The following EXT1 variants were observed in gnomAD, a reference collection of about 807,000 sequenced individuals.
EXT1 encodes the protein exostosin-1.
In EXT1, 20 loss-of-function variants were observed where a neutral mutation model predicts 82.5. That is an observed-to-expected ratio of 0.24 (90% CI 0.17 to 0.35). The LOEUF (loss-of-function observed/expected upper bound fraction) is 0.35. Among genes scored for constraint, EXT1 ranks in the 10% least tolerant of loss-of-function variants. EXT1 has a pLI of 1.00. For missense variants in EXT1, 757 were observed against 936.5 expected (o/e 0.81, Z 2.50); for synonymous variants, 348 against 350.8 (o/e 0.99, Z 0.09).
intron 1 of EXT1, among the ~76,000 whole-genome samples, chr8:118,105,339 G>A (rs556433171): frequency 6.6e-6 from 1 of 152,320 alleles, no homozygotes; most frequent in African/African-American, 2.4e-5. Context: ...GGCCTCCAAT[G>A]GGCAGGACCT....
intron 1 of EXT1, among the ~76,000 whole-genome samples, chr8:118,102,936 C>T (rs964342661): frequency 1.3e-5 from 2 of 152,080 alleles, no homozygotes; most frequent in Admixed American, 6.5e-5. Flanking sequence ...GGGCGGATCA[C>T]CGAAGGTCGG....
intron 1 of EXT1, among the ~76,000 whole-genome samples, chr8:118,065,422 C>A (rs1006377931): frequency 4.6e-5 from 7 of 152,066 alleles, no homozygotes; most frequent in African/African-American, 1.7e-4. Flanking sequence ...TAAACTGTGG[C>A]AAAACAAAAC....
chr8:118,039,026 CAAG>C (rs1816477974), intron 1 of EXT1, among the ~76,000 whole-genome samples: 1 of 152,200 alleles, frequency 6.6e-6, no homozygotes, highest in South Asian at 2.1e-4. Context: ...CGCACTCCAA[CAAG>C]AAGAATGTAG....
At chr8:118,076,513 C>G (rs1817210995) in intron 1 of EXT1, among the ~76,000 whole-genome samples, 1 of 152,186 alleles carries the variant, frequency 6.6e-6, no homozygotes, top group Non-Finnish European at 1.5e-5. Context: ...TGTCTCAGCC[C>G]CTCTCCCCGT....
intron 1 of EXT1, among the ~76,000 whole-genome samples, chr8:118,015,801 AG>A (rs1815991937): frequency 6.6e-6 from 1 of 152,164 alleles, no homozygotes; most frequent in African/African-American, 2.4e-5. Flanking sequence ...TGGAGTGGGG[AG>A]GGCCCTTAAT....
intron 1 of EXT1, among the ~76,000 whole-genome samples, chr8:117,974,494 A>T (rs1314686957): frequency 6.6e-6 from 1 of 152,080 alleles, no homozygotes; most frequent in East Asian, 1.9e-4. Flanking sequence ...CTGAGACAGG[A>T]TCTTGCTCTG....
At chr8:117,880,835 C>T (rs1813046461) in intron 1 of EXT1, among the ~76,000 whole-genome samples, 1 of 152,196 alleles carries the variant, frequency 6.6e-6, no homozygotes, top group Non-Finnish European at 1.5e-5. Context: ...AGGCAATCCA[C>T]CCACCTCGGC....
intron 1 of EXT1, among the ~76,000 whole-genome samples, chr8:118,021,554 A>AT (rs1325437387): frequency 6.6e-6 from 1 of 152,198 alleles, no homozygotes; most frequent in Admixed American, 6.5e-5. Flanking sequence ...AAACATAAAA[A>AT]TTGTCACCCT....
intron 1 of EXT1, among the ~76,000 whole-genome samples, chr8:117,862,339 A>G (rs1347292784): frequency 6.9e-6 from 1 of 145,840 alleles, no homozygotes; most frequent in East Asian, 1.9e-4. Context: ...AGAGTTACAG[A>G]GATAGCCAAA....
At chr8:118,037,194 A>G (rs1206757508) in intron 1 of EXT1, among the ~76,000 whole-genome samples, 1 of 152,164 alleles carries the variant, frequency 6.6e-6, no homozygotes, top group Non-Finnish European at 1.5e-5. Context: ...TAATCTAAGT[A>G]AAATGTCTGT....
intron 1 of EXT1, among the ~76,000 whole-genome samples, chr8:118,006,377 C>G (rs1348695022): frequency 6.6e-6 from 1 of 152,092 alleles, no homozygotes; most frequent in African/African-American, 2.4e-5. Context: ...TTTTTGAGTA[C>G]CACTAAAGGA....
chr8:117,870,823 T>TCACACACACACACACACACACA (rs59973422), intron 1 of EXT1, among the ~76,000 whole-genome samples: 1,527 of 146,786 alleles, frequency 0.01, 36 homozygotes, highest in African/African-American at 0.033. Flanking sequence ...AAATGCTTTG[T>TCACACACACACACACACACACA]CACACACACA....
At chr8:117,959,484 C>T (rs1177620551) in intron 1 of EXT1, among the ~76,000 whole-genome samples, 1 of 152,174 alleles carries the variant, frequency 6.6e-6, no homozygotes, top group Non-Finnish European at 1.5e-5. Flanking sequence ...AGGAAGAGGA[C>T]AATGTAACTG....
intron 9 of EXT1, among the ~76,000 whole-genome samples, chr8:117,806,196 T>G (rs1226377228): frequency 6.6e-6 from 1 of 152,234 alleles, no homozygotes; most frequent in Non-Finnish European, 1.5e-5. Flanking sequence ...CTAATAGGGC[T>G]TCTGCTTCAA....
chr8:118,007,318 T>TC (rs1815800634), intron 1 of EXT1, among the ~76,000 whole-genome samples: 3 of 151,764 alleles, frequency 2.0e-5, no homozygotes, highest in Non-Finnish European at 4.4e-5. Flanking sequence ...AAAAAAAGCA[T>TC]TTGATGGCCC....
chr8:117,932,735 A>G (rs4876775), intron 1 of EXT1, among the ~76,000 whole-genome samples: 88,448 of 152,080 alleles, frequency 0.58, 27,633 homozygotes, highest in Middle Eastern at 0.78. Context: ...GCTTAGTGCT[A>G]GTTTCATCGA....
intron 1 of EXT1, among the ~76,000 whole-genome samples, chr8:118,089,584 A>G (rs1400084742): frequency 6.6e-6 from 1 of 152,244 alleles, no homozygotes; most frequent in Non-Finnish European, 1.5e-5. Flanking sequence ...GGGAACTTTC[A>G]CTTTCTATAA....
intron 1 of EXT1, among the ~76,000 whole-genome samples, chr8:117,922,227 A>C (rs1239778449): frequency 6.6e-6 from 1 of 152,160 alleles, no homozygotes; most frequent in East Asian, 1.9e-4. Context: ...CTCCCTTCAA[A>C]AACGAGAAAG....
At chr8:117,840,159 C>T (rs1263978068) in intron 1 of EXT1, among the ~76,000 whole-genome samples, 1 of 152,112 alleles carries the variant, frequency 6.6e-6, no homozygotes, top group African/African-American at 2.4e-5. Flanking sequence ...CAAATCTTGG[C>T]AAGAACCATG....
Sources: gnomAD v4.1 joint callset for allele counts (sites outside exome capture counted in the v4.1 genomes callset) on GRCh38, gnomAD v4.1.1 for gene constraint, MANE v1.5 for transcripts, NCBI Gene and HGNC (gene_info 2026-07-23, HGNC 2026-07-21) for gene names.